CSMD1: variants seen among roughly 807,000 people sequenced by gnomAD.
CSMD1 encodes CUB and Sushi multiple domains 1.
In CSMD1, 213 loss-of-function variants were observed where a neutral mutation model predicts 417.5. The ratio of observed to expected loss-of-function variants is 0.51; its 90% confidence interval spans 0.46 to 0.57. The LOEUF (loss-of-function observed/expected upper bound fraction) is 0.57. Among genes scored for constraint, CSMD1 ranks in the 20% least tolerant of loss-of-function variants. The probability of loss-of-function intolerance (pLI) is 0.00; values close to 1 mark genes in which losing one functional copy is unlikely to be tolerated. For missense variants in CSMD1, 6,923 were observed against 4,529.7 expected (o/e 1.53, Z -15.17); for synonymous variants, 2,862 against 1,736.8 (o/e 1.65, Z -16.11).
intron 3 of CSMD1, among the ~76,000 whole-genome samples, chr8:4,088,356 CG>C: frequency 6.6e-6 from 1 of 152,204 alleles, no homozygotes; most frequent in East Asian, 1.9e-4. Context: ...GCACAGAAGA[CG>C]GAAACGTCTT....
chr8:3,178,369 A>C (rs1256679849), intron 37 of CSMD1, among the ~76,000 whole-genome samples: 2 of 151,872 alleles, frequency 1.3e-5, no homozygotes, highest in African/African-American at 4.8e-5. Context: ...GGCATACTTG[A>C]TCCTCAGTAT....
At chr8:3,012,077 T>C (rs1191410613) in intron 52 of CSMD1, among the ~76,000 whole-genome samples, 2 of 152,208 alleles carry the variant, frequency 1.3e-5, no homozygotes, top group Admixed American at 1.3e-4. Flanking sequence ...CTCTGAACTC[T>C]GGGAGATCCC....
intron 3 of CSMD1, among the ~76,000 whole-genome samples, chr8:4,076,611 G>C (rs111682211): frequency 6.6e-6 from 1 of 152,142 alleles, no homozygotes; most frequent in Non-Finnish European, 1.5e-5. Flanking sequence ...AAAAACATTT[G>C]ATAGTTGCCT....
intron 10 of CSMD1, among the ~76,000 whole-genome samples, chr8:3,507,331 A>G (rs971267170): frequency 1.3e-5 from 2 of 152,186 alleles, no homozygotes; most frequent in Admixed American, 1.3e-4. Context: ...AAAGGACATG[A>G]ACTCATCATT....
At chr8:4,980,734 C>G (rs1187006066) in intron 1 of CSMD1, among the ~76,000 whole-genome samples, 2 of 152,028 alleles carry the variant, frequency 1.3e-5, no homozygotes, top group Non-Finnish European at 2.9e-5. Flanking sequence ...AAGACCCTGT[C>G]TCTGCAAAAA....
At chr8:3,026,851 A>G (rs1401823597) in intron 51 of CSMD1, among the ~76,000 whole-genome samples, 2 of 152,188 alleles carry the variant, frequency 1.3e-5, no homozygotes, top group African/African-American at 4.8e-5. Flanking sequence ...GTTGCCTTCA[A>G]AGAGGCTGGG....
intron 3 of CSMD1, among the ~76,000 whole-genome samples, chr8:4,158,858 A>G (rs1457000948): frequency 6.6e-6 from 1 of 152,202 alleles, no homozygotes; most frequent in Non-Finnish European, 1.5e-5. Context: ...TCAGAATCTG[A>G]AATCTCAAGT....
chr8:3,964,191 T>C (rs939500202), intron 5 of CSMD1, among the ~76,000 whole-genome samples: 1 of 152,302 alleles, frequency 6.6e-6, no homozygotes, highest in South Asian at 2.1e-4. Flanking sequence ...ATTAAAGGCA[T>C]TTATTTTTTT....
intron 3 of CSMD1, among the ~76,000 whole-genome samples, chr8:4,113,073 T>C (rs1476948164): frequency 2.6e-5 from 4 of 152,208 alleles, no homozygotes; most frequent in African/African-American, 7.2e-5. Context: ...AACACCCCCA[T>C]GTAAGACAGT....
intron 2 of CSMD1, among the ~76,000 whole-genome samples, chr8:4,547,377 T>C (rs1797684362): frequency 6.6e-6 from 1 of 152,242 alleles, no homozygotes; most frequent in African/African-American, 2.4e-5. Flanking sequence ...TCTGAAAATA[T>C]TACTTTCTTC....
At chr8:4,462,787 G>C (rs1385605766) in intron 2 of CSMD1, among the ~76,000 whole-genome samples, 1 of 150,054 alleles carries the variant, frequency 6.7e-6, no homozygotes, top group Non-Finnish European at 1.5e-5. Context: ...CCACAAGAGG[G>C]TACCCCTTCC....
intron 7 of CSMD1, among the ~76,000 whole-genome samples, chr8:3,701,510 T>TG (rs1800866433): frequency 4.2e-5 from 1 of 23,796 alleles, no homozygotes; most frequent in African/African-American, 1.0e-4. Flanking sequence ...GATTAAACCT[T>TG]ATTTTTTTTT....
At chr8:3,839,065 G>A (rs1256770108) in intron 5 of CSMD1, among the ~76,000 whole-genome samples, 1 of 123,564 alleles carries the variant, frequency 8.1e-6, no homozygotes, top group Non-Finnish European at 1.6e-5. Flanking sequence ...ATAGCCTATA[G>A]ATATATAGCC....
In CSMD1 at chr8:3,487,976, C is replaced by T. The variant is rs566552940; in HGVS notation, c.1448+5647G>A. 2.0e-5 allele frequency among the ~76,000 whole-genome samples: 3 copies of T among 151,302 alleles called. No individual in the cohort carries two copies. In the South Asian group the frequency reaches 6.3e-4, roughly 32 times the overall value. The stretch of plus-strand genomic sequence containing the variant: ...GTGTATTTTATGAGTAATTTACTTT[C>T]CAGACACAGAAGACTAAAAAAAAGA... On this transcript the variant is annotated intron_variant, in intron 11 of 69. Coordinates refer to ENST00000635120, the MANE Select transcript of CSMD1 (RefSeq NM_033225.6).
chr8:4,922,836 T>A (rs1444706574), intron 1 of CSMD1, among the ~76,000 whole-genome samples: 1 of 152,234 alleles, frequency 6.6e-6, no homozygotes. Context: ...GAGGAATTCC[T>A]TTACCAAGTT....
chr8:4,203,499 G>C (rs1282136931), intron 3 of CSMD1, among the ~76,000 whole-genome samples: 1 of 152,138 alleles, frequency 6.6e-6, no homozygotes, highest in Non-Finnish European at 1.5e-5. Context: ...TTCTCGATGA[G>C]CAAACGGAAG....
chr8:4,435,764 C>T (rs891848450), intron 2 of CSMD1, among the ~76,000 whole-genome samples: 2 of 152,168 alleles, frequency 1.3e-5, no homozygotes, highest in Non-Finnish European at 2.9e-5. Flanking sequence ...TAAAAAGTAC[C>T]ATACCTTTGA....
chr8:4,217,516 G>C (rs974764484), intron 3 of CSMD1, among the ~76,000 whole-genome samples: 6 of 152,176 alleles, frequency 3.9e-5, no homozygotes. Flanking sequence ...CAAGGGGAGG[G>C]AGAAGGTGGT....
intron 2 of CSMD1, among the ~76,000 whole-genome samples, chr8:4,452,013 C>G (rs537080684): frequency 6.6e-6 from 1 of 150,840 alleles, no homozygotes; most frequent in African/African-American, 2.4e-5. Context: ...GAAATATTAT[C>G]TTTAGGCAGC....
Sources: gnomAD v4.1 joint callset for allele counts (sites outside exome capture counted in the v4.1 genomes callset) on GRCh38, gnomAD v4.1.1 for gene constraint, MANE v1.5 for transcripts, NCBI Gene and HGNC (gene_info 2026-07-23, HGNC 2026-07-21) for gene names.